The following RCBTB2 variants were observed in gnomAD, a reference collection of about 807,000 sequenced individuals.
RCBTB2 encodes RCC1 and BTB domain containing protein 2.
RCBTB2 carries 55 observed loss-of-function variants against 65.4 expected under a neutral mutation model. That is an observed-to-expected ratio of 0.84 (90% CI 0.68 to 1.05). The LOEUF (loss-of-function observed/expected upper bound fraction) is 1.05. Among genes scored for constraint, RCBTB2 ranks in the 50% least tolerant of loss-of-function variants. The pLI, the probability that RCBTB2 is intolerant of heterozygous loss-of-function variation, is 0.00. For missense variants in RCBTB2, 599 were observed against 680.1 expected, an observed-to-expected ratio of 0.88 and a Z score of 1.33; for synonymous variants, 220 against 255.2, an observed-to-expected ratio of 0.86 and a Z score of 1.31.
chr13:48,499,975 G>A (rs571521582), intron 12 of RCBTB2, among the ~76,000 whole-genome samples: 1 of 152,310 alleles, frequency 6.6e-6, no homozygotes, highest in African/African-American at 2.4e-5. Flanking sequence ...CAGCCCCAAT[G>A]GCCGTGCTAA....
intron 4 of RCBTB2, among the ~76,000 whole-genome samples, chr13:48,518,474 T>A (rs7333474): frequency 0.071 from 6,776 of 94,930 alleles, 200 homozygotes; most frequent in Admixed American, 0.13. Flanking sequence ...AAAAAAAAAA[T>A]ATATATATAT....
At chr13:48,525,833 TG>T (rs1305287505) in intron 1 of RCBTB2, among the ~76,000 whole-genome samples, 2 of 152,182 alleles carry the variant, frequency 1.3e-5, no homozygotes, top group African/African-American at 4.8e-5. Context: ...ATGATACATA[TG>T]GTATCATTTG....
intron 13 of RCBTB2, among the ~76,000 whole-genome samples, chr13:48,497,715 T>C (rs1376513362): frequency 6.6e-6 from 1 of 152,230 alleles, no homozygotes; most frequent in Non-Finnish European, 1.5e-5. Context: ...TTTTTGTGTC[T>C]ATCTGCTAAT....
At chr13:48,521,060 A>T (rs9331969) in intron 4 of RCBTB2, among the ~76,000 whole-genome samples, 5,521 of 152,200 alleles carry the variant, frequency 0.036, 345 homozygotes, top group African/African-American at 0.13. Context: ...ATTCTGTGAA[A>T]CTATTCTTTA....
At chr13:48,516,839 C>T (rs1566310671) in intron 4 of RCBTB2, among the ~76,000 whole-genome samples, 2 of 152,204 alleles carry the variant, frequency 1.3e-5, no homozygotes, top group Non-Finnish European at 2.9e-5. Flanking sequence ...TATTGATATA[C>T]TTTTCAACTT....
At chr13:48,512,670 T>C (rs1181924907) in intron 7 of RCBTB2, 59 bp downstream of exon 7, 10 of 1,372,648 alleles carry the variant, frequency 7.3e-6, no homozygotes, top group East Asian at 6.9e-5. Flanking sequence ...AGGACTACTA[T>C]AGAAGTCTAC....
At position 48,516,096 on chromosome 13, in the gene RCBTB2, CAG is replaced by C. The variant is rs10567858; in HGVS notation, c.43-357_43-356del. 6.8e-3 allele frequency among the ~76,000 whole-genome samples: 1,009 copies of C among 148,600 alleles called. 6 individuals carry two copies. The highest frequency in any genetic ancestry group is 9.6e-3 in the Non-Finnish European group (643 of 66,712). ...AGGCTGGTTGTAAAAGCAAGAGAGA[CAG>C]AGAGAGAGAGAGAGAGAGAGAGCTG... On this transcript the variant is annotated intron_variant, in intron 4 of 14. Coordinates refer to ENST00000344532, the MANE Select transcript of RCBTB2 (RefSeq NM_001268.4).
At chr13:48,513,145 A>G (rs7317090) in intron 6 of RCBTB2, among the ~76,000 whole-genome samples, 1,695 of 152,336 alleles carry the variant, frequency 0.011, 24 homozygotes, top group African/African-American at 0.039. Flanking sequence ...TTTTTAATAA[A>G]GAGCAGAGAA....
chr13:48,490,033 A>G lies in RCBTB2; in HGVS notation c.*78T>C. Reference sequence around the variant, plus strand: ...CCAAACATAGCTCATCATACATACTATTAATTAAAGAGAAGTGATTCATCT... The same window carrying G: ...CCAAACATAGCTCATCATACATACTGTTAATTAAAGAGAAGTGATTCATCT... On this transcript the variant is annotated 3_prime_UTR_variant, in exon 15 of 15. Transcript: ENST00000344532. The G allele has an allele frequency of 1.4e-6, 2 of 1,443,542 alleles. No homozygotes were observed. The highest frequency in any genetic ancestry group is 1.9e-6 in the Non-Finnish European group (2 of 1,027,616). 89.4% of individuals were successfully genotyped at this position (1,443,542 alleles called of 1,614,324 possible). A position where few individuals can be genotyped will look rare whatever the true frequency, so the allele number is the denominator to read the frequency against.
Position 48,532,686 on chromosome 13 carries a change from A to AT in RCBTB2, c.-219+341_-219+342insA, listed in dbSNP as rs575761958. On this transcript the variant is annotated intron_variant, in intron 1 of 14. Transcript: ENST00000344532. ...CAGAGGACTCGCGCATGCGCAGCGC[A>AT]GCCTGGGCCGGCGGCCTGGGCAGGA... The AT allele has an allele frequency of 6.2e-3, 1,643 of 264,102 alleles. 12 individuals carry two copies. Among genetic ancestry groups the AT allele is most frequent in the Middle Eastern group, 8.8e-3 (6 of 684 alleles). 16.4% of individuals were successfully genotyped at this position (264,102 alleles called of 1,614,324 possible).
chr13:48,498,808 G>A (rs973346330), intron 13 of RCBTB2, among the ~76,000 whole-genome samples: 5 of 152,040 alleles, frequency 3.3e-5, no homozygotes, highest in Non-Finnish European at 7.4e-5. Context: ...GAGCAAGCCT[G>A]TTGTTCTCTA....
Position 48,489,681 on chromosome 13 carries a change from GAGTGCCTATTATACAC to G in RCBTB2, c.*414_*429del. 6.3e-6 allele frequency: 1 copy of G among 159,096 alleles called. No homozygotes were observed. Among genetic ancestry groups the G allele is most frequent in the South Asian group, 1.8e-4 (1 of 5,500 alleles). The allele number at this position is 159,096 out of a possible 1,614,324, so 9.9% of individuals were successfully genotyped here. ...ACATACTGAAGATTTATAATAAATT[GAGTGCCTATTATACAC>G]AAGGCACTGTGCTGAGTGCTGAAAA... On this transcript the variant is annotated 3_prime_UTR_variant, in exon 15 of 15. Coordinates refer to ENST00000344532, the MANE Select transcript of RCBTB2 (RefSeq NM_001268.4).
intron 6 of RCBTB2, among the ~76,000 whole-genome samples, chr13:48,513,618 A>G (rs1208235580): frequency 6.6e-6 from 1 of 152,166 alleles, no homozygotes; most frequent in Non-Finnish European, 1.5e-5. Flanking sequence ...CTGCTACAAA[A>G]TTTGTCCACT....
intron 11 of RCBTB2, 26 bp from the exon 12 acceptor site, chr13:48,501,894 A>C: frequency 6.2e-7 from 1 of 1,610,132 alleles, no homozygotes; most frequent in South Asian, 1.1e-5. Context: ...AAATGCTTCC[A>C]GAGTTAGCTA....
chr13:48,522,318 T>C lies in RCBTB2; in HGVS notation c.-34A>G. The C allele has an allele frequency of 6.5e-7, 1 of 1,527,098 alleles. No individual in the cohort carries two copies. The highest frequency in any genetic ancestry group is 1.4e-5 in the African/African-American group (1 of 72,904). The allele number at this position is 1,527,098 out of a possible 1,614,324, so 94.6% of individuals were successfully genotyped here. ...AAATAAATTTTAGACCTTTGTCAAC[T>C]TTTCTCTGGGATTGGAAAGTTCCAA... On this transcript the variant is annotated 5_prime_UTR_variant, in exon 3 of 15. Coordinates refer to ENST00000344532, the MANE Select transcript of RCBTB2 (RefSeq NM_001268.4).
chr13:48,522,722 C>A (rs1566325028), intron 2 of RCBTB2, among the ~76,000 whole-genome samples: 1 of 152,150 alleles, frequency 6.6e-6, no homozygotes. Flanking sequence ...TTTAATAAGG[C>A]TGTATTTAAT....
intron 13 of RCBTB2, among the ~76,000 whole-genome samples, chr13:48,496,758 A>AGGGAG (rs1949992611): frequency 7.7e-6 from 1 of 129,122 alleles, no homozygotes; most frequent in Non-Finnish European, 1.6e-5. Flanking sequence ...AGGACAGGAG[A>AGGGAG]GGGAGGGGAG....
chr13:48,534,198 C>T (rs546962093), upstream of RCBTB2, among the ~76,000 whole-genome samples: 31 of 152,294 alleles, frequency 2.0e-4, no homozygotes, highest in Admixed American at 1.7e-3. Context: ...GAAGTTGCAG[C>T]GATAGTGCAG....
Position 48,489,884 on chromosome 13 carries a change from A to T in RCBTB2, c.*227T>A. 5 of 547,248 alleles carry T rather than the reference A, an allele frequency of 9.1e-6. No homozygotes were observed. The highest frequency in any genetic ancestry group is 1.6e-5 in the Non-Finnish European group (5 of 311,934). The allele number at this position is 547,248 out of a possible 1,614,324, so 33.9% of individuals were successfully genotyped here. A position where few individuals can be genotyped will look rare whatever the true frequency, so the allele number is the denominator to read the frequency against. Reference sequence around the variant, plus strand: ...AGGAAATGGTAAATAAGATATTTCAATTTTTTTTCCTTGACCTTAGTCACA... The same window carrying T: ...AGGAAATGGTAAATAAGATATTTCATTTTTTTTTCCTTGACCTTAGTCACA... On this transcript the variant is annotated 3_prime_UTR_variant, in exon 15 of 15. Transcript: ENST00000344532.
Sources: allele counts gnomAD v4.1 joint callset (sites outside exome capture counted in the v4.1 genomes callset), GRCh38; gene constraint gnomAD v4.1.1; transcripts MANE v1.5; gene names NCBI Gene and HGNC (gene_info 2026-07-23, HGNC 2026-07-21).